The following SH3RF2 variants were observed in gnomAD, a reference collection of about 807,000 sequenced individuals.
SH3RF2 encodes SH3 domain containing ring finger 2.
SH3RF2 carries 43 observed loss-of-function variants against 59.0 expected under a neutral mutation model. The observed-to-expected ratio is 0.73, with a 90% CI of 0.57 to 0.94. The LOEUF (loss-of-function observed/expected upper bound fraction) is 0.94, where lower values mean the gene tolerates loss of function less well. Among genes scored for constraint, SH3RF2 ranks in the 40% least tolerant of loss-of-function variants. The probability of loss-of-function intolerance (pLI) is 0.00; values close to 1 mark genes in which losing one functional copy is unlikely to be tolerated. For synonymous variants in SH3RF2, 391 were observed against 391.5 expected, an observed-to-expected ratio of 1.00 and a Z score of 0.01; for missense variants, 930 against 940.1, an observed-to-expected ratio of 0.99 and a Z score of 0.14.
At position 146,056,146 on chromosome 5, in the gene SH3RF2, A is replaced by C. The variant is rs200571233; in HGVS notation, c.1488A>C (p.Arg496Ser). Reference sequence around the variant, plus strand: ...CCACTGCCATAGTCAACCCCGTGAGAAGCACAGCCGGCCCTGGGACTTTAG... The same window carrying C: ...CCACTGCCATAGTCAACCCCGTGAGCAGCACAGCCGGCCCTGGGACTTTAG... Reference protein sequence around the residue: ...FVPTAIVNPVRSTAGPGTLGQ... With the variant: ...FVPTAIVNPVSSTAGPGTLGQ... The change falls in exon 8 of 10, where the codon AGA becomes AGC. Residue 496 changes from arginine to serine, a missense_variant. Arg to Ser is a moderately radical substitution (Grantham distance 110). Transcript: ENST00000359120. 216 of 1,614,044 alleles carry C rather than the reference A, an allele frequency of 1.3e-4. 1 individual carries two copies. The highest frequency in any genetic ancestry group is 1.8e-4 in the Admixed American group (11 of 60,000).
rs554908680 is a variant in SH3RF2, at chr5:146,056,262, A to G, written c.1555+49A>G. 4.3e-6 allele frequency: 7 copies of G among 1,612,692 alleles called. No individual in the cohort carries two copies. In the Admixed American group the frequency reaches 6.7e-5, roughly 15 times the overall value. ...TGCCTAGAGCTAAGTGATGGGGGGAATCTGACCCAGGGGTACACAGGATGC... is the reference window on the plus strand; with the variant it reads ...TGCCTAGAGCTAAGTGATGGGGGGAGTCTGACCCAGGGGTACACAGGATGC... On this transcript the variant is annotated intron_variant, in intron 8 of 9. Coordinates refer to ENST00000359120, the MANE Select transcript of SH3RF2 (RefSeq NM_152550.4).
intron 2 of SH3RF2, among the ~76,000 whole-genome samples, chr5:145,956,163 C>T (rs1056694506): frequency 7.9e-5 from 12 of 152,282 alleles, no homozygotes; most frequent in Middle Eastern, 3.4e-3. Flanking sequence ...CCTCGAACCA[C>T]GCCCAGAGTA....
chr5:146,033,510 G>A (rs906284929), intron 5 of SH3RF2, among the ~76,000 whole-genome samples: 3 of 107,944 alleles, frequency 2.8e-5, no homozygotes, highest in African/African-American at 1.1e-4. Flanking sequence ...CACTCTTGTT[G>A]CCCAGGCTGG....
At chr5:146,044,245 G>C (rs1468415068) in intron 5 of SH3RF2, among the ~76,000 whole-genome samples, 1 of 151,866 alleles carries the variant, frequency 6.6e-6, no homozygotes, top group Admixed American at 6.6e-5. Flanking sequence ...CTGCCTCCTG[G>C]GTTCAAGCGA....
chr5:145,959,790 A>C (rs1758561335), intron 2 of SH3RF2, among the ~76,000 whole-genome samples: 1 of 151,958 alleles, frequency 6.6e-6, no homozygotes, highest in Non-Finnish European at 1.5e-5. Flanking sequence ...CCAAATGACT[A>C]AGTGTGACTT....
At chr5:146,074,458 T>C (rs1354817174) in intron 9 of SH3RF2, among the ~76,000 whole-genome samples, 1 of 152,094 alleles carries the variant, frequency 6.6e-6, no homozygotes, top group Non-Finnish European at 1.5e-5. Context: ...AACGAGGGAC[T>C]TGGCTTAGGC....
chr5:145,997,552 T>A, intron 2 of SH3RF2: 3 of 1,607,654 alleles, frequency 1.9e-6, no homozygotes, highest in Non-Finnish European at 2.6e-6. Flanking sequence ...AAAATGGGAG[T>A]TATTACGGTT....
At chr5:145,999,346 G>T (rs1760300700) in intron 2 of SH3RF2, among the ~76,000 whole-genome samples, 1 of 152,152 alleles carries the variant, frequency 6.6e-6, no homozygotes, top group Non-Finnish European at 1.5e-5. Context: ...CAATAAGGCT[G>T]ATTCACTTAC....
At chr5:145,967,092 C>T (rs1758887150) in intron 2 of SH3RF2, among the ~76,000 whole-genome samples, 1 of 152,110 alleles carries the variant, frequency 6.6e-6, no homozygotes, top group African/African-American at 2.4e-5. Context: ...GGAATAAGAA[C>T]TCTTTGGCTT....
At chr5:146,053,918 G>A (rs1762582614) in intron 7 of SH3RF2, among the ~76,000 whole-genome samples, 1 of 152,182 alleles carries the variant, frequency 6.6e-6, no homozygotes, top group Non-Finnish European at 1.5e-5. Flanking sequence ...TAGAGCTGCT[G>A]TTTGTGATGC....
At chr5:146,077,161 T>C (rs3797627) in intron 9 of SH3RF2, among the ~76,000 whole-genome samples, 39,590 of 152,068 alleles carry the variant, frequency 0.26, 5,603 homozygotes, top group Admixed American at 0.35. Context: ...AGATCGAACT[T>C]CTGTTATGTG....
Position 146,006,972 on chromosome 5 carries a change from G to A in SH3RF2, c.744+2819G>A, listed in dbSNP as rs184416217. Among the ~76,000 whole-genome samples, 100 of 152,248 alleles carry A rather than the reference G, an allele frequency of 6.6e-4. 2 individuals carry two copies. The highest frequency in any genetic ancestry group is 2.7e-3 in the Admixed American group (42 of 15,298). On this transcript the variant is annotated intron_variant, in intron 4 of 9. Coordinates refer to ENST00000359120, the MANE Select transcript of SH3RF2 (RefSeq NM_152550.4). ...AGTTGTATCACCAACTAAATGCCTC[G>A]TTTCAGAAGTGACACTTGTCACTCC...
At chr5:145,987,435 G>A (rs1043289744) in intron 2 of SH3RF2, among the ~76,000 whole-genome samples, 1 of 151,914 alleles carries the variant, frequency 6.6e-6, no homozygotes, top group Non-Finnish European at 1.5e-5. Context: ...AACATACAAC[G>A]GAGAAAACAT....
intron 2 of SH3RF2, among the ~76,000 whole-genome samples, chr5:145,943,687 T>G (rs1314837291): frequency 6.6e-6 from 1 of 150,954 alleles, no homozygotes; most frequent in African/African-American, 2.4e-5. Flanking sequence ...CATTACCTAC[T>G]TCAGTTTTTT....
At chr5:146,061,908 C>T (rs1016712928) in intron 9 of SH3RF2, among the ~76,000 whole-genome samples, 2 of 152,108 alleles carry the variant, frequency 1.3e-5, no homozygotes, top group Non-Finnish European at 2.9e-5. Context: ...ATCAAACCCT[C>T]AAACATTCTG....
At chr5:146,034,609 G>A (rs1761864243) in intron 5 of SH3RF2, among the ~76,000 whole-genome samples, 1 of 152,170 alleles carries the variant, frequency 6.6e-6, no homozygotes. Flanking sequence ...CTATGAGAAG[G>A]AAAAATTGTC....
At chr5:145,989,122 G>A (rs1356662050) in intron 2 of SH3RF2, among the ~76,000 whole-genome samples, 1 of 152,154 alleles carries the variant, frequency 6.6e-6, no homozygotes, top group Non-Finnish European at 1.5e-5. Flanking sequence ...TGCCCCAGAT[G>A]CAATTATGCA....
At chr5:146,049,733 A>G (rs1157742345) in intron 7 of SH3RF2, among the ~76,000 whole-genome samples, 8 of 151,526 alleles carry the variant, frequency 5.3e-5, no homozygotes, top group Non-Finnish European at 1.2e-4. Context: ...TGAGACCCCT[A>G]CCTCTTCCTC....
rs146216338 is a variant in SH3RF2, at chr5:145,946,364, C to G, written c.378+8058C>G. ...TACTGTGCTCAGAGCACCCAGCCCACAGCTTGGCCCATATTAGGAATTTTT... is the reference window on the plus strand; with the variant it reads ...TACTGTGCTCAGAGCACCCAGCCCAGAGCTTGGCCCATATTAGGAATTTTT... On this transcript the variant is annotated intron_variant, in intron 2 of 9. Transcript: ENST00000359120. Among the ~76,000 whole-genome samples the G allele has an allele frequency of 2.0e-3, 304 of 152,312 alleles. 1 individual carries two copies. The highest frequency in any genetic ancestry group is 6.9e-3 in the African/African-American group (286 of 41,574).
Sources: allele counts gnomAD v4.1 joint callset (sites outside exome capture counted in the v4.1 genomes callset), GRCh38; gene constraint gnomAD v4.1.1; transcripts MANE v1.5; gene names NCBI Gene and HGNC (gene_info 2026-07-23, HGNC 2026-07-21).